Variants in NRXN3 observed in about 807,000 individuals in gnomAD.
NRXN3 encodes the protein neurexin III.
In NRXN3, 32 loss-of-function variants were observed where a neutral mutation model predicts 137.6. That is an observed-to-expected ratio of 0.23 (90% CI 0.18 to 0.31). NRXN3 has a LOEUF of 0.31. NRXN3 is among the 10% of genes least tolerant of loss of function. The probability of loss-of-function intolerance (pLI) is 1.00; values close to 1 mark genes in which losing one functional copy is unlikely to be tolerated. For missense variants in NRXN3, 1,574 were observed against 2,062.5 expected, an observed-to-expected ratio of 0.76 and a Z score of 4.59; for synonymous variants, 798 against 784.5, an observed-to-expected ratio of 1.02 and a Z score of -0.29.
intron 8 of NRXN3, among the ~76,000 whole-genome samples, chr14:78,751,428 C>CT (rs35906068): frequency 0.18 from 27,197 of 151,942 alleles, 2,522 homozygotes; most frequent in East Asian, 0.26. Context: ...GCTGCTAATT[C>CT]TTTTTTTTCT....
intron 15 of NRXN3, among the ~76,000 whole-genome samples, chr14:79,098,171 C>T (rs1160587277): frequency 6.6e-6 from 1 of 152,118 alleles, no homozygotes; most frequent in Admixed American, 6.6e-5. Context: ...AATTAAAGCA[C>T]CCTGGCCATA....
Position 78,984,654 on chromosome 14 carries a change from A to G in NRXN3, c.3143-3368A>G, listed in dbSNP as rs1290374413. Among the ~76,000 whole-genome samples, 3 of 152,274 alleles carry G rather than the reference A, an allele frequency of 2.0e-5. No homozygotes were observed. In the East Asian group the frequency reaches 5.8e-4, roughly 29 times the overall value. ...ATGAGCAGGCATCTGAACCACCTGG[A>G]GGGCTTGTTACAACTCAGATTCCTC... On this transcript the variant is annotated intron_variant, in intron 14 of 20. Transcript: ENST00000335750.
intron 19 of NRXN3, among the ~76,000 whole-genome samples, chr14:79,794,532 C>CT (rs1463478461): frequency 6.6e-6 from 1 of 152,210 alleles, no homozygotes; most frequent in Non-Finnish European, 1.5e-5. Flanking sequence ...TGCCTTCTCT[C>CT]TGTCTTCTAA....
At chr14:79,097,321 GC>G (rs1178707587) in intron 15 of NRXN3, among the ~76,000 whole-genome samples, 1 of 152,134 alleles carries the variant, frequency 6.6e-6, no homozygotes, top group Admixed American at 6.5e-5. Flanking sequence ...TAGGAGTTTG[GC>G]GGCTGCTAAT....
At chr14:78,913,274 CTTTTTTT>C (rs1157942892) in intron 10 of NRXN3, among the ~76,000 whole-genome samples, 21 of 47,856 alleles carry the variant, frequency 4.4e-4, no homozygotes, top group South Asian at 2.1e-3. Flanking sequence ...TTCTTTCTTT[CTTTTTTT>C]TTTTTTTTTT....
intron 4 of NRXN3, among the ~76,000 whole-genome samples, chr14:78,384,378 A>G (rs1484574661): frequency 6.6e-6 from 1 of 152,074 alleles, no homozygotes; most frequent in Non-Finnish European, 1.5e-5. Context: ...TTGGATAACC[A>G]TCCCCAACCC....
At chr14:79,099,939 A>C (rs1240938683) in intron 15 of NRXN3, among the ~76,000 whole-genome samples, 1 of 152,156 alleles carries the variant, frequency 6.6e-6, no homozygotes, top group East Asian at 1.9e-4. Flanking sequence ...GCCGTGATGG[A>C]AGTCTGAAAA....
At chr14:79,601,040 C>CTTTTTTT (rs36044631) in intron 16 of NRXN3, among the ~76,000 whole-genome samples, 48 of 93,398 alleles carry the variant, frequency 5.1e-4, no homozygotes, top group Middle Eastern at 9.3e-3. Context: ...TCTTTGTTGC[C>CTTTTTTT]TTTTTTTTTT....
chr14:79,153,702 C>T (rs913060994), intron 15 of NRXN3, among the ~76,000 whole-genome samples: 11 of 152,010 alleles, frequency 7.2e-5, no homozygotes, highest in African/African-American at 2.4e-4. Context: ...CCTCTTTTTT[C>T]TCTTCATGAG....
At chr14:79,200,152 T>A (rs529909789) in intron 15 of NRXN3, 7 of 152,090 alleles carry the variant, frequency 4.6e-5, no homozygotes, top group Non-Finnish European at 1.0e-4. Flanking sequence ...GTTCTGAAGG[T>A]GAGAGTTTTG....
chr14:78,976,695 G>A (rs12886900), intron 14 of NRXN3, among the ~76,000 whole-genome samples: 14,516 of 152,162 alleles, frequency 0.095, 930 homozygotes, highest in Non-Finnish European at 0.11. Flanking sequence ...GACATAAATT[G>A]CAGTGAACTT....
intron 4 of NRXN3, among the ~76,000 whole-genome samples, chr14:78,498,445 T>C (rs1314647073): frequency 6.6e-6 from 1 of 152,152 alleles, no homozygotes; most frequent in African/African-American, 2.4e-5. Flanking sequence ...GGGATCCCAG[T>C]AGGGAACTAG....
At chr14:78,915,621 G>T (rs1051325370) in intron 10 of NRXN3, among the ~76,000 whole-genome samples, 18 of 152,078 alleles carry the variant, frequency 1.2e-4, no homozygotes, top group African/African-American at 4.3e-4. Flanking sequence ...TAGGCAGACA[G>T]GATTGCTTAA....
At chr14:78,599,046 G>A (rs745584745) in intron 4 of NRXN3, among the ~76,000 whole-genome samples, 1 of 152,214 alleles carries the variant, frequency 6.6e-6, no homozygotes, top group Non-Finnish European at 1.5e-5. Flanking sequence ...AATACAAGAG[G>A]ATTAATTTAT....
intron 1 of NRXN3, among the ~76,000 whole-genome samples, chr14:78,175,313 G>T (rs2059154528): frequency 1.3e-5 from 2 of 152,190 alleles, no homozygotes; most frequent in African/African-American, 4.8e-5. Context: ...CAGAGAAAGG[G>T]GATAAATGGG....
At position 78,243,753 on chromosome 14, in the gene NRXN3, C is replaced by G; in HGVS notation, c.660C>G (p.Pro220=). The G allele has an allele frequency of 6.3e-7, 1 of 1,597,098 alleles. No individual in the cohort carries two copies. Among genetic ancestry groups the G allele is most frequent in the Non-Finnish European group, 8.5e-7 (1 of 1,179,144 alleles). ...GGICFLLDGH[P]TCDCSTTGYG... is the part of the protein sequence containing the mutation. Reference sequence around the variant, plus strand: ...TCTGCTTTCTCCTGGACGGCCACCCCACCTGTGACTGTTCTACCACTGGCT... The same window carrying G: ...TCTGCTTTCTCCTGGACGGCCACCCGACCTGTGACTGTTCTACCACTGGCT... The change falls in exon 2 of 21, where the codon CCC becomes CCG. Residue 220 remains proline, a synonymous_variant. Coordinates refer to ENST00000335750, the MANE Select transcript of NRXN3 (RefSeq NM_001330195.2). This position sits in a 1 kb window ranked among gnomAD's most constrained non-coding sequence, Gnocchi z 4.2.
chr14:78,578,261 T>C (rs1415876651), intron 4 of NRXN3, among the ~76,000 whole-genome samples: 1 of 152,192 alleles, frequency 6.6e-6, no homozygotes, highest in East Asian at 1.9e-4. Flanking sequence ...CATACAAAGG[T>C]AAGCTCTGCA....
intron 8 of NRXN3, among the ~76,000 whole-genome samples, chr14:78,798,950 C>T (rs1026954180): frequency 6.6e-6 from 1 of 152,168 alleles, no homozygotes; most frequent in African/African-American, 2.4e-5. Flanking sequence ...GGGTGTGGCT[C>T]AGCCACAAAC....
intron 15 of NRXN3, among the ~76,000 whole-genome samples, chr14:79,033,381 C>T (rs2099610904): frequency 1.3e-5 from 2 of 152,138 alleles, no homozygotes; most frequent in South Asian, 4.1e-4. Context: ...ATGAGGAAAC[C>T]TCAAGCATCC....
Sources: gnomAD v4.1 joint callset for allele counts (sites outside exome capture counted in the v4.1 genomes callset) on GRCh38, gnomAD v4.1.1 for gene constraint, Gnocchi (gnomAD v3.1) non-coding constraint, MANE v1.5 for transcripts, NCBI Gene and HGNC (gene_info 2026-07-23, HGNC 2026-07-21) for gene names.